The following TBX22 variants were observed in gnomAD, a reference collection of about 807,000 sequenced individuals.
TBX22 encodes the protein T-box transcription factor TBX22.
TBX22 carries 8 observed loss-of-function variants against 30.1 expected under a neutral mutation model. The ratio of observed to expected loss-of-function variants is 0.27; its 90% confidence interval spans 0.16 to 0.48. The LOEUF (loss-of-function observed/expected upper bound fraction) is 0.48, where lower values mean the gene tolerates loss of function less well. Ranked by LOEUF, TBX22 falls within the 20% of genes least tolerant of loss-of-function variation. The probability of loss-of-function intolerance (pLI) is 0.99; values close to 1 mark genes in which losing one functional copy is unlikely to be tolerated. For synonymous variants in TBX22, 173 were observed against 149.1 expected (o/e 1.16, Z -1.17); for missense variants, 463 against 400.5 (o/e 1.16, Z -1.33).
intron 1 of TBX22, among the ~76,000 whole-genome samples, chrX:80,020,179 G>A: frequency 9.0e-6 from 1 of 111,312 alleles, no homozygotes; most frequent in East Asian, 2.8e-4. Context: ...AATATTACAT[G>A]GTAATAATTG....
chrX:80,025,652 T>C lies in TBX22; in HGVS notation c.508T>C (p.Leu170=), dbSNP rs753047555. Residue 170 remains leucine (L), a synonymous_variant, in exon 5 of 9, where the codon TTG becomes CTG. Transcript: ENST00000373296. ...QWMVAGNTDH[L]CIIPRFYVHP... is the part of the protein sequence containing the mutation. The stretch of plus-strand genomic sequence containing the variant: ...GATGGTAGCTGGGAATACAGACCAT[T>C]TGTGCATCATTCCTAGATTCTATGT... 2.5e-6 allele frequency: 3 copies of C among 1,209,083 alleles called. No individual in the cohort carries two copies. Among genetic ancestry groups the C allele is most frequent in the Admixed American group, 2.2e-5 (1 of 46,046 alleles).
chrX:80,030,563 C>T lies in TBX22; in HGVS notation c.1015C>T (p.Leu339Phe). The change falls in exon 9 of 9, where the codon CTT (leucine) becomes TTT (phenylalanine). Residue 339 changes from leucine (L) to phenylalanine (F), a missense_variant. By Grantham distance (22) the Leu-to-Phe change is conservative. Coordinates refer to ENST00000373296, the MANE Select transcript of TBX22 (RefSeq NM_001109878.2). ...GGAPSPLNSL[L>F]SPLCFSPMFH... ...GGCCCCCTCTCCTTTGAACTCCTTA[C>T]TTTCTCCACTTTGCTTTTCACCTAT... The T allele has an allele frequency of 2.5e-6, 3 of 1,211,400 alleles. No individual in the cohort carries two copies. Among genetic ancestry groups the T allele is most frequent in the Middle Eastern group, 2.3e-4 (1 of 4,352 alleles).
At chrX:80,023,452 G>GTA in intron 3 of TBX22, 1 of 434,900 alleles carries the variant, frequency 2.3e-6, no homozygotes, top group Non-Finnish European at 4.0e-6. Flanking sequence ...TTCCTTTCCT[G>GTA]TACACTGTGA....
intron 5 of TBX22, 98 bp downstream of exon 5, chrX:80,025,875 ATGT>A: frequency 1.3e-6 from 1 of 780,221 alleles, no homozygotes; most frequent in East Asian, 3.5e-5. Context: ...GCAGATGCAC[ATGT>A]TGTGTTTTTT....
chrX:80,023,311 G>A (rs1923814026), intron 3 of TBX22, 71 bp downstream of exon 3: 2 of 1,026,853 alleles, frequency 1.9e-6, no homozygotes, highest in African/African-American at 1.9e-5. Flanking sequence ...CTGGTAAGAT[G>A]AGGACTCTCC....
chrX:80,030,506 A>G lies in TBX22; in HGVS notation c.958A>G (p.Ser320Gly). 8.3e-7 allele frequency: 1 copy of G among 1,211,698 alleles called. No homozygotes were observed. ...TFGADTQSGS[S>G]GSSPVTSSGG... ...TGAATTGTCATTCACAGGTGGAAGCAGTGGCTCATCTCCAGTGACCTCTAG... is the reference window on the plus strand; with the variant it reads ...TGAATTGTCATTCACAGGTGGAAGCGGTGGCTCATCTCCAGTGACCTCTAG... The change falls in exon 9 of 9, where the codon AGT becomes GGT. Residue 320 changes from serine (S) to glycine (G), a missense_variant. By Grantham distance (56) the Ser-to-Gly change is moderately conservative (BLOSUM62 0). Coordinates refer to ENST00000373296, the MANE Select transcript of TBX22 (RefSeq NM_001109878.2).
At chrX:80,027,528 G>A (rs896370162) in intron 7 of TBX22, among the ~76,000 whole-genome samples, 2 of 111,104 alleles carry the variant, frequency 1.8e-5, no homozygotes, top group African/African-American at 6.6e-5. Context: ...ACAGGCATGT[G>A]CCAACAGGCC....
In TBX22 at chrX:80,023,074, A is replaced by G. The variant is rs376071635; in HGVS notation, c.190A>G (p.Thr64Ala). ...KSEPLEKQPK[T>A]EPSTSASSGC... ...GTGTCCAGCAGAAAAACAACCTAAG[A>G]CAGAGCCCTCAACATCTGCTTCCTC... Residue 64 changes from threonine to alanine, a missense_variant, in exon 3 of 9, where the codon ACA (threonine) becomes GCA (alanine). Thr to Ala is a moderately conservative substitution (Grantham distance 58). Transcript: ENST00000373296. The G allele has an allele frequency of 8.3e-7, 1 of 1,209,538 alleles. No homozygotes were observed. The highest frequency in any genetic ancestry group is 1.8e-5 in the African/African-American group (1 of 57,014).
rs1221135450 is a variant in TBX22, at chrX:80,029,059, A to G, written c.949+983A>G. ...AAAACAAATGTGCACTAATAAAGAAAAAGTTAAAGATGATCATGAAATGAT... is the reference window on the plus strand; with the variant it reads ...AAAACAAATGTGCACTAATAAAGAAGAAGTTAAAGATGATCATGAAATGAT... On this transcript the variant is annotated intron_variant, in intron 8 of 8. Coordinates refer to ENST00000373296, the MANE Select transcript of TBX22 (RefSeq NM_001109878.2). Among the ~76,000 whole-genome samples, 9 of 112,190 alleles carry G rather than the reference A, an allele frequency of 8.0e-5. No individual in the cohort carries two copies. In the Admixed American group the frequency reaches 8.5e-4, roughly 11 times the overall value.
Position 80,024,117 on chromosome X carries a change from G to T in TBX22, c.411G>T (p.Gln137His). Residue 137 changes from glutamine (Q) to histidine (H), a missense_variant, in exon 4 of 9, where the codon CAG becomes CAT. Physicochemically the swap from Gln to His is conservative, Grantham distance 24 (BLOSUM62 0). Transcript: ENST00000373296. ...TGAAAGGGTTGGATCCAGGGAAGCA[G>T]TACCATGTGGCCATCGATGTGGTGC... is the stretch of plus-strand genomic sequence containing the variant. ...VKVKGLDPGK[Q>H]YHVAIDVVPV... 8.3e-7 allele frequency: 1 copy of T among 1,211,485 alleles called. No homozygotes were observed. Among genetic ancestry groups the T allele is most frequent in the East Asian group, 3.0e-5 (1 of 33,795 alleles).
Position 80,024,152 on chromosome X carries a change from C to T in TBX22, c.446C>T (p.Ser149Phe), listed in dbSNP as rs1446264071. The change falls in exon 4 of 9, where the codon TCC (serine) becomes TTC (phenylalanine). Residue 149 changes from serine (S) to phenylalanine (F), a missense_variant. Coordinates refer to ENST00000373296, the MANE Select transcript of TBX22 (RefSeq NM_001109878.2). The part of the protein sequence containing the change: ...HVAIDVVPVD[S>F]KRYRYVYHSS... ...GCCATCGATGTGGTGCCGGTGGATTCCAAACGCTATAGGTAATGGGCCCCA... is the reference window on the plus strand; with the variant it reads ...GCCATCGATGTGGTGCCGGTGGATTTCAAACGCTATAGGTAATGGGCCCCA... 8.3e-7 allele frequency: 1 copy of T among 1,209,332 alleles called. No individual in the cohort carries two copies. The highest frequency in any genetic ancestry group is 3.0e-5 in the East Asian group (1 of 33,765).
intron 3 of TBX22, 31 bp from the exon 4 acceptor site, chrX:80,024,032 C>A: frequency 8.5e-7 from 1 of 1,182,760 alleles, no homozygotes; most frequent in Non-Finnish European, 1.2e-6. Context: ...TCTAAAAGCT[C>A]TTGGGTCAGT....
intron 8 of TBX22, among the ~76,000 whole-genome samples, chrX:80,030,200 C>T (rs1300097439): frequency 1.8e-5 from 2 of 111,983 alleles, no homozygotes; most frequent in Non-Finnish European, 3.8e-5. Context: ...AGAGCTCAGG[C>T]AATGAGGTAA....
At chrX:80,022,727 C>A in intron 2 of TBX22, 1 of 427,502 alleles carries the variant, frequency 2.3e-6, no homozygotes, top group Non-Finnish European at 4.1e-6. Context: ...GCTGCTGTAT[C>A]CTGGGATGGG....
Position 80,023,077 on chromosome X carries a change from G to A in TBX22, c.193G>A (p.Glu65Lys). 1.7e-6 allele frequency: 2 copies of A among 1,211,743 alleles called. No homozygotes were observed. The highest frequency in any genetic ancestry group is 2.2e-6 in the Non-Finnish European group (2 of 895,495). Residue 65 changes from glutamate (E) to lysine (K), a missense_variant, in exon 3 of 9, where the codon GAG becomes AAG. By Grantham distance (56) the Glu-to-Lys change is moderately conservative. Transcript: ENST00000373296. ...SEPLEKQPKT[E>K]PSTSASSGCG... The stretch of plus-strand genomic sequence containing the variant: ...TCCAGCAGAAAAACAACCTAAGACA[G>A]AGCCCTCAACATCTGCTTCCTCTGG...
intron 4 of TBX22, among the ~76,000 whole-genome samples, chrX:80,024,642 T>A (rs756414711): frequency 1.5e-4 from 17 of 112,015 alleles, no homozygotes; most frequent in African/African-American, 5.5e-4. Flanking sequence ...CCACTCAAGG[T>A]CAGTCAAGCG....
chrX:80,023,153 A>C lies in TBX22; in HGVS notation c.269A>C (p.Lys90Thr). ...YGNSSESLEE[K>T]DIQMELQGSE... Reference sequence around the variant, plus strand: ...AACAGCTCTGAAAGTCTGGAAGAGAAAGATATTCAAATGGAGCTTCAAGGA... The same window carrying C: ...AACAGCTCTGAAAGTCTGGAAGAGACAGATATTCAAATGGAGCTTCAAGGA... The change falls in exon 3 of 9, where the codon AAA (lysine) becomes ACA (threonine). Residue 90 changes from lysine to threonine, a missense_variant. Physicochemically the swap from Lys to Thr is moderately conservative, Grantham distance 78. Transcript: ENST00000373296. 1 of 1,211,692 alleles carries C rather than the reference A, an allele frequency of 8.3e-7. No homozygotes were observed. Among genetic ancestry groups the C allele is most frequent in the Non-Finnish European group, 1.1e-6 (1 of 895,286 alleles).
intron 1 of TBX22, among the ~76,000 whole-genome samples, chrX:80,018,446 TA>T (rs200041885): frequency 1.5e-4 from 17 of 110,215 alleles, no homozygotes; most frequent in South Asian, 7.5e-4. Context: ...TTGAATTTCT[TA>T]AAAAAAAAGG....
At chrX:80,025,002 A>G (rs1261864763) in intron 4 of TBX22, among the ~76,000 whole-genome samples, 1 of 111,838 alleles carries the variant, frequency 8.9e-6, no homozygotes, top group East Asian at 2.8e-4. Context: ...GAAAGCAAGG[A>G]GAAGGCTCTG....
Sources: gnomAD v4.1 joint callset for allele counts (sites outside exome capture counted in the v4.1 genomes callset) on GRCh38, gnomAD v4.1.1 for gene constraint, MANE v1.5 for transcripts, NCBI Gene and HGNC (gene_info 2026-07-23, HGNC 2026-07-21) for gene names.